PHACTR1: variants seen among roughly 807,000 people sequenced by gnomAD.
The protein encoded by PHACTR1 is RPEL repeat containing 1.
PHACTR1 carries 16 observed loss-of-function variants against 69.2 expected under a neutral mutation model. That is an observed-to-expected ratio of 0.23 (90% CI 0.16 to 0.35). The LOEUF is 0.35. PHACTR1 is among the 10% of genes least tolerant of loss of function. PHACTR1 has a pLI of 1.00. For missense variants in PHACTR1, 510 were observed against 734.7 expected (o/e 0.69, Z 3.54); for synonymous variants, 312 against 284.5 (o/e 1.10, Z -0.97).
chr6:12,841,524 A>T (rs190402920), intron 4 of PHACTR1, among the ~76,000 whole-genome samples: 1 of 152,194 alleles, frequency 6.6e-6, no homozygotes, highest in Non-Finnish European at 1.5e-5. Context: ...AGATATCAAG[A>T]TTTTCTTTTT....
At chr6:12,726,114 C>T (rs1417350910) in intron 3 of PHACTR1, among the ~76,000 whole-genome samples, 1 of 152,046 alleles carries the variant, frequency 6.6e-6, no homozygotes, top group African/African-American at 2.4e-5. Flanking sequence ...ATCAACTCTG[C>T]TGTATCTCAT....
intron 4 of PHACTR1, among the ~76,000 whole-genome samples, chr6:12,758,315 A>C (rs1248286125): frequency 1.3e-5 from 2 of 151,532 alleles, no homozygotes; most frequent in Admixed American, 6.6e-5. Context: ...GGGGGCACAC[A>C]CCTGTAGTCA....
chr6:12,957,695 G>C lies in PHACTR1; in HGVS notation c.251-95670G>C, dbSNP rs1021384556. 1.0e-4 allele frequency: 100 copies of C among 985,456 alleles called. No homozygotes were observed. In the African/African-American group the frequency reaches 1.7e-3, roughly 17 times the overall value. 61.0% of individuals were successfully genotyped at this position (985,456 alleles called of 1,614,324 possible). ...GAGACCATCGTGGAGGCGGTTTTAG[G>C]TTAGAAAAGGGATAAAATGGACCCT... On this transcript the variant is annotated intron_variant, in intron 4 of 14. Transcript: ENST00000332995.
chr6:13,013,882 G>T (rs959120752), intron 4 of PHACTR1, among the ~76,000 whole-genome samples: 1 of 149,018 alleles, frequency 6.7e-6, no homozygotes, highest in African/African-American at 2.5e-5. Context: ...GCGCCCGGGG[G>T]CCGGATGGCG....
chr6:13,192,426 G>A (rs901041681), intron 7 of PHACTR1, among the ~76,000 whole-genome samples: 4 of 152,186 alleles, frequency 2.6e-5, no homozygotes, highest in African/African-American at 9.7e-5. Context: ...CTATCAGCAG[G>A]GATGTAGGAT....
At chr6:12,943,478 AT>A (rs1412080340) in intron 4 of PHACTR1, among the ~76,000 whole-genome samples, 2 of 152,210 alleles carry the variant, frequency 1.3e-5, no homozygotes, top group Non-Finnish European at 2.9e-5. Flanking sequence ...ATGGCACTGA[AT>A]TCTACACCTT....
intron 5 of PHACTR1, among the ~76,000 whole-genome samples, chr6:13,114,636 C>T (rs1937766): frequency 0.25 from 38,258 of 152,090 alleles, 4,967 homozygotes; most frequent in South Asian, 0.46. Flanking sequence ...ACCTACTCTC[C>T]TGCCCTGCCA....
At chr6:13,031,313 TA>T (rs1255437598) in intron 4 of PHACTR1, among the ~76,000 whole-genome samples, 1 of 152,256 alleles carries the variant, frequency 6.6e-6, no homozygotes, top group Non-Finnish European at 1.5e-5. Flanking sequence ...TTGTCTATTT[TA>T]GGACTTAGCT....
In PHACTR1 at chr6:12,990,455, C is replaced by T. The variant is rs533533375; in HGVS notation, c.251-62910C>T. 1.2e-4 allele frequency among the ~76,000 whole-genome samples: 18 copies of T among 152,330 alleles called. No homozygotes were observed. The South Asian group carries it at 1.7e-3, about 14-fold the overall frequency. Reference sequence around the variant, plus strand: ...AACACCAACAGGAATGAATTTCACTCGCTCGAACTTGCTAGGCTGAAACCC... The same window carrying T: ...AACACCAACAGGAATGAATTTCACTTGCTCGAACTTGCTAGGCTGAAACCC... On this transcript the variant is annotated intron_variant, in intron 4 of 14. Transcript: ENST00000332995.
chr6:13,227,751 T>G, intron 8 of PHACTR1, 65 bp from the exon 9 acceptor site: 1 of 1,561,648 alleles, frequency 6.4e-7, no homozygotes, highest in Non-Finnish European at 8.7e-7. Context: ...TTAAAATGGT[T>G]TTGATGCATT....
intron 5 of PHACTR1, among the ~76,000 whole-genome samples, chr6:13,059,398 A>G (rs146811492): frequency 3.0e-4 from 46 of 152,242 alleles, no homozygotes; most frequent in African/African-American, 9.6e-4. Flanking sequence ...CCTCTAATTA[A>G]CAATCCAGTA....
intron 5 of PHACTR1, among the ~76,000 whole-genome samples, chr6:13,150,757 T>A (rs955632722): frequency 6.6e-6 from 1 of 152,222 alleles, no homozygotes; most frequent in Admixed American, 6.5e-5. Context: ...TTTTTCTCAT[T>A]GCTCCCCTTT....
chr6:12,830,767 T>G (rs1777476226), intron 4 of PHACTR1, among the ~76,000 whole-genome samples: 1 of 150,190 alleles, frequency 6.7e-6, no homozygotes, highest in Non-Finnish European at 1.5e-5. Flanking sequence ...TTTTTTTGTA[T>G]TTTTTTTTAG....
chr6:13,019,939 T>G (rs1288339496), intron 4 of PHACTR1, among the ~76,000 whole-genome samples: 2 of 152,164 alleles, frequency 1.3e-5, no homozygotes, highest in East Asian at 3.9e-4. Context: ...GGTAGTCCAT[T>G]GAGCCAGTTA....
intron 13 of PHACTR1, 43 bp from the exon 14 acceptor site, chr6:13,286,101 CTG>C: frequency 6.6e-7 from 1 of 1,508,274 alleles, no homozygotes; most frequent in East Asian, 2.3e-5. Context: ...GAGTTTTTTT[CTG>C]TCTCTCTCCC....
At chr6:12,796,616 A>T (rs1773032991) in intron 4 of PHACTR1, among the ~76,000 whole-genome samples, 1 of 152,194 alleles carries the variant, frequency 6.6e-6, no homozygotes. Context: ...TGGTGTGCAG[A>T]GTCTCTGCAG....
chr6:13,045,684 C>T (rs184635033), intron 4 of PHACTR1, among the ~76,000 whole-genome samples: 71 of 152,332 alleles, frequency 4.7e-4, no homozygotes, highest in Non-Finnish European at 8.7e-4. Flanking sequence ...ACCTATGGAT[C>T]CCTGAGTTTT....
chr6:12,753,234 A>C (rs1766838199), intron 4 of PHACTR1, among the ~76,000 whole-genome samples: 1 of 152,228 alleles, frequency 6.6e-6, no homozygotes, highest in African/African-American at 2.4e-5. Flanking sequence ...AGCCTGCCTT[A>C]TGAGGTCGTT....
rs758068744 is a variant in PHACTR1 at position 12,975,522 on chromosome 6, T to C, written c.251-77843T>C. Among the ~76,000 whole-genome samples the C allele has an allele frequency of 1.3e-4, 20 of 152,238 alleles. 1 individual carries two copies. Among genetic ancestry groups the C allele is most frequent in the Non-Finnish European group, 5.9e-5 (4 of 68,030 alleles). On this transcript the variant is annotated intron_variant, in intron 4 of 14. Coordinates refer to ENST00000332995, the MANE Select transcript of PHACTR1 (RefSeq NM_030948.6). ...CATTTTAACTATTAAGGAGCTCATT[T>C]TCAATTGCTTGGTATAGAAGATTCA...
Sources: gnomAD v4.1 joint callset for allele counts (sites outside exome capture counted in the v4.1 genomes callset) on GRCh38, gnomAD v4.1.1 for gene constraint, MANE v1.5 for transcripts, NCBI Gene and HGNC (gene_info 2026-07-23, HGNC 2026-07-21) for gene names.